Variants in ERICH3 observed in about 807,000 individuals in gnomAD.
ERICH3 encodes glutamate rich 3.
A neutral mutation model predicts 131.1 loss-of-function variants in ERICH3; 126 were observed. That is an observed-to-expected ratio of 0.96 (90% CI 0.83 to 1.11). ERICH3 has a LOEUF of 1.11. Among genes scored for constraint, ERICH3 ranks in the 50% most tolerant of loss-of-function variants. The pLI is 0.00. For missense variants in ERICH3, 2,050 were observed against 1,810.7 expected (o/e 1.13, Z -2.40); for synonymous variants, 695 against 644.6 (o/e 1.08, Z -1.18).
At position 74,607,780 on chromosome 1, in the gene ERICH3, T is replaced by C. The variant is rs3856035; in HGVS notation, c.1188-878A>G. On this transcript the variant is annotated intron_variant, in intron 9 of 14. Coordinates refer to ENST00000326665, the MANE Select transcript of ERICH3 (RefSeq NM_001002912.5). Reference sequence around the variant, plus strand: ...AGTAATATGAATAAATTGTCTTCTATAGCTTTCTATTTCTTAAGTTGATAT... The same window carrying C: ...AGTAATATGAATAAATTGTCTTCTACAGCTTTCTATTTCTTAAGTTGATAT... Among the ~76,000 whole-genome samples, 486 of 152,086 alleles carry C rather than the reference T, an allele frequency of 3.2e-3. 1 individual carries two copies. Among genetic ancestry groups the C allele is most frequent in the African/African-American group, 0.01 (434 of 41,510 alleles).
chr1:74,651,502 T>C (rs1343873205), intron 1 of ERICH3, among the ~76,000 whole-genome samples: 2 of 152,122 alleles, frequency 1.3e-5, no homozygotes, highest in African/African-American at 4.8e-5. Flanking sequence ...TCATCAAAGG[T>C]TTCCTGTCTC....
At position 74,573,212 on chromosome 1, in the gene ERICH3, G is replaced by T; in HGVS notation, c.2498C>A (p.Pro833Gln). The change falls in exon 14 of 15, where the codon CCA (proline) becomes CAA (glutamine). Residue 833 changes from proline (P) to glutamine (Q), a missense_variant. By Grantham distance (76) the Pro-to-Gln change is moderately conservative. Transcript: ENST00000326665. ...EEFTEKREIP[P>Q]GIERGAEGAA... ...TCCCTCTGCCCCCCTTTCTATGCCT[G>T]GAGGGATCTCCCTTTTTTCTGTAAA... The T allele has an allele frequency of 6.2e-7, 1 of 1,612,514 alleles. No homozygotes were observed. Among genetic ancestry groups the T allele is most frequent in the Non-Finnish European group, 8.5e-7 (1 of 1,179,196 alleles).
rs74410920 is a variant in ERICH3, at chr1:74,662,182, T to G, written c.23+11315A>C. On this transcript the variant is annotated intron_variant, in intron 1 of 14. Coordinates refer to ENST00000326665, the MANE Select transcript of ERICH3 (RefSeq NM_001002912.5). The stretch of plus-strand genomic sequence containing the variant: ...TGGCCCTGAAACATCAGACTTTCCA[T>G]TAATTTTTCTGAGCCAGTCTCCTCA... Among the ~76,000 whole-genome samples the G allele has an allele frequency of 7.3e-3, 1,117 of 152,260 alleles. 7 individuals are homozygous for G. Among genetic ancestry groups the G allele is most frequent in the Non-Finnish European group, 0.012 (843 of 68,012 alleles).
At chr1:74,649,438 A>G (rs1402545850) in intron 1 of ERICH3, 123 bp from the exon 2 acceptor site, 4 of 628,450 alleles carry the variant, frequency 6.4e-6, no homozygotes, top group Admixed American at 2.7e-5. Flanking sequence ...AGTCATTCAT[A>G]TATGTGTTTA....
intron 1 of ERICH3, among the ~76,000 whole-genome samples, chr1:74,663,831 A>G (rs1458207913): frequency 1.3e-5 from 2 of 152,054 alleles, no homozygotes; most frequent in African/African-American, 4.8e-5. Context: ...AATAATTTTT[A>G]TTATTATTTA....
intron 13 of ERICH3, among the ~76,000 whole-genome samples, chr1:74,574,778 G>A (rs1437127656): frequency 2.6e-5 from 4 of 152,080 alleles, no homozygotes; most frequent in Admixed American, 2.0e-4. Flanking sequence ...TTATATATAT[G>A]TTGCAAGTAA....
Position 74,631,702 on chromosome 1 carries a change from T to A in ERICH3, c.819+11A>T. ...ATAAATTAATAAAAGAAAAATTTGT[T>A]CCATAATCACCTTTGTCAAAAGAGG... is the stretch of plus-strand genomic sequence containing the variant. On this transcript the variant is annotated intron_variant, in intron 7 of 14. Transcript: ENST00000326665. 6.3e-7 allele frequency: 1 copy of A among 1,596,610 alleles called. No individual in the cohort carries two copies. Among genetic ancestry groups the A allele is most frequent in the Non-Finnish European group, 8.6e-7 (1 of 1,164,898 alleles).
chr1:74,616,795 C>T (rs1437630157), intron 8 of ERICH3, among the ~76,000 whole-genome samples: 4 of 152,108 alleles, frequency 2.6e-5, no homozygotes, highest in South Asian at 2.1e-4. Flanking sequence ...CACACACAGA[C>T]ACACAAGAAT....
At chr1:74,673,338 A>T (rs1285657904) in intron 1 of ERICH3, among the ~76,000 whole-genome samples, 159 bp downstream of exon 1, 1 of 152,080 alleles carries the variant, frequency 6.6e-6, no homozygotes, top group African/African-American at 2.4e-5. Flanking sequence ...GATTTCTGCC[A>T]TCCTCGCTGC....
intron 1 of ERICH3, among the ~76,000 whole-genome samples, chr1:74,669,536 C>A (rs1033669233): frequency 1.3e-5 from 2 of 152,078 alleles, no homozygotes; most frequent in African/African-American, 4.8e-5. Context: ...ACATAAATAG[C>A]AACATGAGTG....
At chr1:74,585,897 G>T (rs999817218) in intron 12 of ERICH3, among the ~76,000 whole-genome samples, 2 of 152,086 alleles carry the variant, frequency 1.3e-5, no homozygotes, top group Non-Finnish European at 2.9e-5. Context: ...CTGAGTATTT[G>T]TATTTAGAAA....
rs1232242927 is a variant in ERICH3, at chr1:74,570,367, A to C, written c.*91T>G. On this transcript the variant is annotated 3_prime_UTR_variant, in exon 15 of 15. Coordinates refer to ENST00000326665, the MANE Select transcript of ERICH3 (RefSeq NM_001002912.5). ...AACTAAAGAGGAGAGAGAGAAAATC[A>C]AGAATCCTGGTGAGATGCTTGCGTG... 6.6e-6 allele frequency: 1 copy of C among 152,266 alleles called. No individual in the cohort carries two copies. Among genetic ancestry groups the C allele is most frequent in the Non-Finnish European group, 1.5e-5 (1 of 68,050 alleles). The allele number at this position is 152,266 out of a possible 1,614,324, so 9.4% of individuals were successfully genotyped here.
At chr1:74,615,050 G>T (rs567317470) in intron 8 of ERICH3, among the ~76,000 whole-genome samples, 2 of 152,182 alleles carry the variant, frequency 1.3e-5, no homozygotes, top group African/African-American at 4.8e-5. Flanking sequence ...TCAACCCCTA[G>T]AAGTGACTGC....
At chr1:74,649,147 A>T in intron 2 of ERICH3, 75 bp downstream of exon 2, 1 of 1,018,098 alleles carries the variant, frequency 9.8e-7, no homozygotes, top group South Asian at 1.8e-5. Flanking sequence ...TCACTCAAAG[A>T]GAAAGCCTGA....
intron 12 of ERICH3, among the ~76,000 whole-genome samples, chr1:74,582,397 A>T (rs1187785385): frequency 1.3e-5 from 2 of 152,168 alleles, no homozygotes; most frequent in Non-Finnish European, 2.9e-5. Flanking sequence ...ATATAAAAAC[A>T]CACTTTTTAA....
chr1:74,627,731 A>G (rs926268291), intron 7 of ERICH3, among the ~76,000 whole-genome samples: 3 of 152,162 alleles, frequency 2.0e-5, no homozygotes, highest in East Asian at 1.9e-4. Context: ...ATTTTTTTCA[A>G]TAAGTATGTT....
chr1:74,656,449 C>T (rs757509395), intron 1 of ERICH3, among the ~76,000 whole-genome samples: 14 of 152,126 alleles, frequency 9.2e-5, no homozygotes, highest in Admixed American at 3.3e-4. Context: ...CATCGCATGG[C>T]GGAAGGTGGA....
chr1:74,611,673 C>T (rs946971535), intron 9 of ERICH3, among the ~76,000 whole-genome samples: 3 of 152,180 alleles, frequency 2.0e-5, no homozygotes, highest in African/African-American at 4.8e-5. Flanking sequence ...ACACAACAAA[C>T]ACGTGCCTGC....
chr1:74,655,023 C>G (rs914439148), intron 1 of ERICH3, among the ~76,000 whole-genome samples: 1 of 152,108 alleles, frequency 6.6e-6, no homozygotes, highest in African/African-American at 2.4e-5. Context: ...AAAATTCTTA[C>G]AGACTTATAT....
Sources: allele counts gnomAD v4.1 joint callset (sites outside exome capture counted in the v4.1 genomes callset), GRCh38; gene constraint gnomAD v4.1.1; transcripts MANE v1.5; gene names NCBI Gene and HGNC (gene_info 2026-07-23, HGNC 2026-07-21).